The following RBFOX1 variants were observed in gnomAD, a reference collection of about 807,000 sequenced individuals.
RBFOX1 encodes the protein RNA binding protein fox-1 homolog 1.
In RBFOX1, 8 loss-of-function variants were observed where a neutral mutation model predicts 57.7. The ratio of observed to expected loss-of-function variants is 0.14; its 90% CI spans 0.08 to 0.25. The LOEUF is 0.25. Ranked by LOEUF, RBFOX1 falls within the 10% of genes least tolerant of loss-of-function variation. The pLI is 1.00. For synonymous variants in RBFOX1, 326 were observed against 222.4 expected (o/e 1.47, Z -4.15); for missense variants, 611 against 548.5 (o/e 1.11, Z -1.14).
intron 4 of RBFOX1, among the ~76,000 whole-genome samples, chr16:7,130,844 A>G (rs1452578515): frequency 1.3e-5 from 2 of 152,118 alleles, no homozygotes; most frequent in Non-Finnish European, 2.9e-5. Context: ...CTCATTCATA[A>G]TCTATCAGGC....
intron 2 of RBFOX1, among the ~76,000 whole-genome samples, chr16:6,558,242 C>T (rs1435679230): frequency 1.3e-5 from 2 of 151,956 alleles, no homozygotes; most frequent in Non-Finnish European, 2.9e-5. Context: ...GTGGCTCGTC[C>T]CCACCTCCCA....
intron 4 of RBFOX1, among the ~76,000 whole-genome samples, chr16:7,440,066 C>T (rs2098754557): frequency 6.6e-6 from 1 of 151,574 alleles, no homozygotes; most frequent in African/African-American, 2.4e-5. Context: ...ATCCTCCCAC[C>T]TCAGCCCCTC....
In RBFOX1 at chr16:7,510,356, C is replaced by T. The variant is rs527937590; in HGVS notation, c.28-7791C>T. The T allele has an allele frequency of 9.2e-6, 9 of 982,828 alleles. No homozygotes were observed. In the East Asian group the frequency reaches 4.6e-4, roughly 50 times the overall value. The allele number at this position is 982,828 out of a possible 1,614,324, so 60.9% of individuals were successfully genotyped here. ...CCATTTAATCTTTCACTCAAAATTGCGATTTGAATGAAGCTGAAAGCTTTT... is the reference window on the plus strand; with the variant it reads ...CCATTTAATCTTTCACTCAAAATTGTGATTTGAATGAAGCTGAAAGCTTTT... On this transcript the variant is annotated intron_variant, in intron 4 of 15. Transcript: ENST00000550418.
At chr16:6,677,339 T>C (rs757416057) in intron 3 of RBFOX1, among the ~76,000 whole-genome samples, 1 of 152,198 alleles carries the variant, frequency 6.6e-6, no homozygotes, top group African/African-American at 2.4e-5. Context: ...TGAACTGATA[T>C]ATCTCCATAG....
chr16:5,600,489 A>C (rs2047331778), downstream of RBFOX1, among the ~76,000 whole-genome samples: 1 of 69,494 alleles, frequency 1.4e-5, no homozygotes, highest in South Asian at 6.8e-4. Context: ...CCTGTCTCAA[A>C]AAAAAAAAAA....
chr16:6,682,540 C>T (rs1200364862), intron 3 of RBFOX1, among the ~76,000 whole-genome samples: 3 of 152,128 alleles, frequency 2.0e-5, no homozygotes, highest in Admixed American at 2.0e-4. Flanking sequence ...TATTGGCAAA[C>T]TGGACCGGTG....
intron 4 of RBFOX1, among the ~76,000 whole-genome samples, chr16:7,457,592 A>G (rs1192045999): frequency 6.6e-6 from 1 of 152,076 alleles, no homozygotes; most frequent in African/African-American, 2.4e-5. Flanking sequence ...TTCTTCTTCA[A>G]GCTGTATTTG....
At chr16:5,853,597 T>G (rs1413477802) in intron 3 of RBFOX1, among the ~76,000 whole-genome samples, 2 of 152,162 alleles carry the variant, frequency 1.3e-5, no homozygotes, top group Non-Finnish European at 2.9e-5. Context: ...CATCCTTTCC[T>G]TGGATGAATG....
intron 3 of RBFOX1, among the ~76,000 whole-genome samples, chr16:6,907,850 A>AG (rs1259879918): frequency 2.0e-5 from 3 of 151,696 alleles, no homozygotes; most frequent in African/African-American, 7.2e-5. Context: ...CTGGGATTAC[A>AG]GGCATGAGCC....
intron 1 of RBFOX1, among the ~76,000 whole-genome samples, chr16:6,292,455 G>C (rs2152724747): frequency 6.6e-6 from 1 of 151,462 alleles, no homozygotes; most frequent in East Asian, 1.9e-4. Context: ...AGAAATTAAA[G>C]TTCTTCAATA....
intron 2 of RBFOX1, among the ~76,000 whole-genome samples, chr16:6,438,702 C>T (rs557499130): frequency 7.9e-5 from 12 of 152,112 alleles, no homozygotes; most frequent in Non-Finnish European, 1.3e-4. Flanking sequence ...GGCAGATGTT[C>T]GGGCTTTCCA....
chr16:6,906,588 A>T (rs1207541068), intron 3 of RBFOX1, among the ~76,000 whole-genome samples: 1 of 152,200 alleles, frequency 6.6e-6, no homozygotes, highest in Non-Finnish European at 1.5e-5. Flanking sequence ...GTACATCAGT[A>T]GTGTTTCCAG....
At chr16:6,996,452 C>T (rs565401134) in intron 3 of RBFOX1, among the ~76,000 whole-genome samples, 82 of 152,224 alleles carry the variant, frequency 5.4e-4, no homozygotes, top group Admixed American at 1.0e-3. Context: ...TAGATTGATA[C>T]ATACATGTGT....
At chr16:6,619,289 T>C (rs1413965154) in intron 2 of RBFOX1, among the ~76,000 whole-genome samples, 1 of 152,154 alleles carries the variant, frequency 6.6e-6, no homozygotes, top group African/African-American at 2.4e-5. Flanking sequence ...TGATAATGAG[T>C]TGGTGGCCTT....
intron 4 of RBFOX1, among the ~76,000 whole-genome samples, chr16:7,364,106 A>T (rs776540832): frequency 7.2e-5 from 11 of 152,216 alleles, no homozygotes; most frequent in Admixed American, 5.9e-4. Flanking sequence ...CATTTTAAAG[A>T]TTAGGAATCC....
At chr16:6,632,495 TGTTATCCATGTGCA>T (rs1189284338) in intron 2 of RBFOX1, among the ~76,000 whole-genome samples, 1 of 152,220 alleles carries the variant, frequency 6.6e-6, no homozygotes. Context: ...TGTCTGTGGC[TGTTATCCATGTGCA>T]GAATAAAAGT....
At chr16:7,136,905 C>A (rs1337211819) in intron 4 of RBFOX1, among the ~76,000 whole-genome samples, 1 of 152,192 alleles carries the variant, frequency 6.6e-6, no homozygotes, top group Non-Finnish European at 1.5e-5. Flanking sequence ...AGGAAGGAGG[C>A]ATCTAGAAGT....
chr16:6,761,872 C>T (rs988009479), intron 3 of RBFOX1, among the ~76,000 whole-genome samples: 3 of 152,002 alleles, frequency 2.0e-5, no homozygotes, highest in African/African-American at 7.2e-5. Flanking sequence ...TCTCTCATTC[C>T]AAGCAGGTAC....
intron 4 of RBFOX1, among the ~76,000 whole-genome samples, chr16:7,488,720 A>T (rs920024761): frequency 6.6e-6 from 1 of 152,154 alleles, no homozygotes; most frequent in African/African-American, 2.4e-5. Flanking sequence ...CTAGCTATAC[A>T]TTCATCTATT....
Sources: allele counts gnomAD v4.1 joint callset (sites outside exome capture counted in the v4.1 genomes callset), GRCh38; gene constraint gnomAD v4.1.1; transcripts MANE v1.5; gene names NCBI Gene and HGNC (gene_info 2026-07-23, HGNC 2026-07-21).